The following OLA1 variants were observed in gnomAD, a reference collection of about 807,000 sequenced individuals.
The protein encoded by OLA1 is Obg like ATPase 1.
A neutral mutation model predicts 48.4 loss-of-function variants in OLA1; 14 were observed. The ratio of observed to expected loss-of-function variants is 0.29; its 90% CI spans 0.19 to 0.45. The LOEUF (loss-of-function observed/expected upper bound fraction) is 0.45. Among genes scored for constraint, OLA1 ranks in the 20% least tolerant of loss-of-function variants. OLA1 has a pLI of 1.00. For missense variants in OLA1, 325 were observed against 467.1 expected (o/e 0.70, Z 2.80); for synonymous variants, 127 against 150.4 (o/e 0.84, Z 1.14).
intron 7 of OLA1, among the ~76,000 whole-genome samples, chr2:174,102,189 T>G (rs1685413496): frequency 6.6e-6 from 1 of 152,030 alleles, no homozygotes; most frequent in Non-Finnish European, 1.5e-5. Flanking sequence ...GCTGGACAAC[T>G]GTCAGGCCCC....
chr2:174,200,637 CA>C (rs758525860), intron 4 of OLA1, among the ~76,000 whole-genome samples: 5 of 152,142 alleles, frequency 3.3e-5, no homozygotes, highest in Non-Finnish European at 4.4e-5. Context: ...GGACACATAA[CA>C]AATGTTTAAA....
At chr2:174,202,701 C>A (rs563610965) in intron 4 of OLA1, among the ~76,000 whole-genome samples, 1 of 152,274 alleles carries the variant, frequency 6.6e-6, no homozygotes, top group Admixed American at 6.5e-5. Context: ...TCAGAAGACT[C>A]ATCTTGTAAA....
At chr2:174,129,493 A>AAATG (rs886497861) in intron 5 of OLA1, among the ~76,000 whole-genome samples, 2 of 150,402 alleles carry the variant, frequency 1.3e-5, no homozygotes, top group African/African-American at 4.9e-5. Context: ...ATAAATAAAT[A>AAATG]AATAAATAAT....
At position 174,075,171 on chromosome 2, in the gene OLA1, C is replaced by T. The variant is rs1483595250; in HGVS notation, c.*255G>A. 2 of 379,834 alleles carry T rather than the reference C, an allele frequency of 5.3e-6. No individual in the cohort carries two copies. Among genetic ancestry groups the T allele is most frequent in the Non-Finnish European group, 9.6e-6 (2 of 208,922 alleles). The allele number at this position is 379,834 out of a possible 1,614,324, so 23.5% of individuals were successfully genotyped here. ...GAAGTATCATGAGAGTAATATGGTT[C>T]CTGAAAAGCTTCTACAATTTGGAGT... On this transcript the variant is annotated 3_prime_UTR_variant, in exon 11 of 11. Coordinates refer to ENST00000284719, the MANE Select transcript of OLA1 (RefSeq NM_013341.5).
chr2:174,245,043 A>T (rs1479602071), intron 2 of OLA1, among the ~76,000 whole-genome samples: 1 of 152,202 alleles, frequency 6.6e-6, no homozygotes, highest in African/African-American at 2.4e-5. Context: ...GGCCCATTTT[A>T]ATATAGTCCC....
intron 7 of OLA1, among the ~76,000 whole-genome samples, chr2:174,092,979 A>G (rs542030827): frequency 1.3e-5 from 2 of 152,344 alleles, no homozygotes; most frequent in Non-Finnish European, 2.9e-5. Flanking sequence ...AATGTACAAA[A>G]CAAGCACCTC....
intron 4 of OLA1, among the ~76,000 whole-genome samples, chr2:174,147,476 T>C (rs1163524667): frequency 6.6e-6 from 1 of 152,088 alleles, no homozygotes; most frequent in African/African-American, 2.4e-5. Flanking sequence ...GCTTCAGAAT[T>C]CTCTCTTATG....
intron 7 of OLA1, among the ~76,000 whole-genome samples, chr2:174,112,553 T>C (rs1046473211): frequency 2.6e-5 from 4 of 152,122 alleles, no homozygotes; most frequent in Non-Finnish European, 5.9e-5. Context: ...CCCAGTGCAA[T>C]GGGATTGGGA....
rs554771644 is a variant in OLA1, at chr2:174,107,579, T to G, written c.728+15601A>C. Among the ~76,000 whole-genome samples the G allele has an allele frequency of 1.3e-4, 20 of 152,208 alleles. No homozygotes were observed. The South Asian group carries it at 3.7e-3, about 28-fold the overall frequency. On this transcript the variant is annotated intron_variant, in intron 7 of 10. Transcript: ENST00000284719. ...AGTATCCTAAAAACATTTCCCCAAA[T>G]TAATAGTATAAATTTTAAAACCAAC... is the stretch of plus-strand genomic sequence containing the variant.
chr2:174,098,252 C>T (rs989278672), intron 7 of OLA1, among the ~76,000 whole-genome samples: 9 of 152,168 alleles, frequency 5.9e-5, no homozygotes, highest in South Asian at 2.1e-4. Flanking sequence ...CTTTTCCCTA[C>T]GAGCAGTACG....
chr2:174,104,549 G>A (rs1685471738), intron 7 of OLA1, among the ~76,000 whole-genome samples: 1 of 152,030 alleles, frequency 6.6e-6, no homozygotes. Context: ...TTGGGAAAGA[G>A]CTAGCGTCAC....
intron 5 of OLA1, among the ~76,000 whole-genome samples, chr2:174,140,497 A>G (rs909108086): frequency 2.6e-5 from 4 of 151,896 alleles, no homozygotes; most frequent in African/African-American, 9.7e-5. Flanking sequence ...CCTCCTCAGT[A>G]GGTGAGATTA....
At chr2:174,103,893 G>C (rs1212048494) in intron 7 of OLA1, among the ~76,000 whole-genome samples, 1 of 152,120 alleles carries the variant, frequency 6.6e-6, no homozygotes, top group Non-Finnish European at 1.5e-5. Context: ...TGTTATTCTA[G>C]ACAAGGCAGT....
chr2:174,116,683 AC>A (rs1194945398), intron 7 of OLA1, among the ~76,000 whole-genome samples: 4 of 152,174 alleles, frequency 2.6e-5, no homozygotes, highest in Non-Finnish European at 5.9e-5. Context: ...ACTATGGCAA[AC>A]CTAGATATTT....
chr2:174,106,081 T>C (rs1362765407), intron 7 of OLA1, among the ~76,000 whole-genome samples: 2 of 152,088 alleles, frequency 1.3e-5, no homozygotes, highest in East Asian at 1.9e-4. Context: ...TTTGAGGACA[T>C]ATGAAAGTAA....
chr2:174,095,646 A>C (rs1288398625), intron 7 of OLA1, among the ~76,000 whole-genome samples: 4 of 152,160 alleles, frequency 2.6e-5, no homozygotes, highest in African/African-American at 9.6e-5. Context: ...GGATATCCAC[A>C]TACAAAAATT....
intron 3 of OLA1, among the ~76,000 whole-genome samples, chr2:174,227,824 A>C (rs1389850579): frequency 2.0e-5 from 3 of 152,260 alleles, no homozygotes; most frequent in African/African-American, 7.2e-5. Flanking sequence ...CCATGTGAGA[A>C]TCCTCATAGT....
At chr2:174,208,652 T>C (rs978753324) in intron 4 of OLA1, among the ~76,000 whole-genome samples, 5 of 152,136 alleles carry the variant, frequency 3.3e-5, no homozygotes, top group African/African-American at 1.2e-4. Flanking sequence ...ATTATACATT[T>C]CCCTCTTATT....
chr2:174,102,370 A>G (rs975942788), intron 7 of OLA1, among the ~76,000 whole-genome samples: 9 of 151,870 alleles, frequency 5.9e-5, no homozygotes, highest in Non-Finnish European at 1.2e-4. Context: ...ACTAATCCCT[A>G]GGGAAGAGTC....
Sources: allele counts gnomAD v4.1 joint callset (sites outside exome capture counted in the v4.1 genomes callset), GRCh38; gene constraint gnomAD v4.1.1; transcripts MANE v1.5; gene names NCBI Gene and HGNC (gene_info 2026-07-23, HGNC 2026-07-21).